Variants in LDB2 observed in about 807,000 individuals in gnomAD.
The protein encoded by LDB2 is LIM domain binding 2.
Under a neutral mutation model 44.3 loss-of-function variants are expected in LDB2, and 12 were observed. The observed-to-expected ratio is 0.27, with a 90% CI of 0.17 to 0.44. LDB2 has a LOEUF of 0.44. LDB2 is among the 20% of genes least tolerant of loss of function. The pLI is 1.00. For synonymous variants in LDB2, 164 were observed against 174.8 expected (o/e 0.94, Z 0.49); for missense variants, 344 against 473.5 (o/e 0.73, Z 2.54).
chr4:16,520,745 T>C (rs1331727961), intron 5 of LDB2, among the ~76,000 whole-genome samples: 1 of 152,158 alleles, frequency 6.6e-6, no homozygotes, highest in East Asian at 1.9e-4. Context: ...AAGGAGGTCA[T>C]TGACTGCTTT....
chr4:16,723,366 GT>G (rs1758732965), intron 2 of LDB2, among the ~76,000 whole-genome samples: 1 of 152,172 alleles, frequency 6.6e-6, no homozygotes, highest in Non-Finnish European at 1.5e-5. Flanking sequence ...AGGAGAGCAA[GT>G]GTGAGAGAGC....
chr4:16,815,950 A>G (rs868848862), intron 1 of LDB2, among the ~76,000 whole-genome samples: 1 of 152,186 alleles, frequency 6.6e-6, no homozygotes, highest in Non-Finnish European at 1.5e-5. Flanking sequence ...GCTCATGCCT[A>G]TAATCCCAGC....
At chr4:16,790,795 G>C (rs998640329) in intron 1 of LDB2, among the ~76,000 whole-genome samples, 1 of 152,106 alleles carries the variant, frequency 6.6e-6, no homozygotes, top group Non-Finnish European at 1.5e-5. Flanking sequence ...TAAGTTTAAT[G>C]CTCTTGCAAA....
At position 16,752,241 on chromosome 4, in the gene LDB2, G is replaced by A. The variant is rs866320359; in HGVS notation, c.235+6917C>T. Among the ~76,000 whole-genome samples, 16 of 152,296 alleles carry A rather than the reference G, an allele frequency of 1.1e-4. 1 individual carries two copies. Among genetic ancestry groups the A allele is most frequent in the Middle Eastern group, 6.8e-3 (2 of 294 alleles). ...CTTTCCTCTGGTCCTCAGTGAACAA[G>A]ATACAGAGCCCACTCTTTACATATA... On this transcript the variant is annotated intron_variant, in intron 2 of 7. Coordinates refer to ENST00000304523, the MANE Select transcript of LDB2 (RefSeq NM_001290.5).
chr4:16,574,790 A>G (rs1747754363), intron 5 of LDB2, among the ~76,000 whole-genome samples: 2 of 152,196 alleles, frequency 1.3e-5, no homozygotes, highest in Non-Finnish European at 2.9e-5. Context: ...ACTGTGGTCC[A>G]TCTAATCTTC....
chr4:16,749,683 A>T (rs957563460), intron 2 of LDB2, among the ~76,000 whole-genome samples: 6 of 151,806 alleles, frequency 4.0e-5, no homozygotes, highest in Admixed American at 2.0e-4. Context: ...CAGTCACTTG[A>T]GATTGTGATG....
intron 5 of LDB2, among the ~76,000 whole-genome samples, chr4:16,539,502 G>C (rs551390722): frequency 1.3e-5 from 2 of 152,100 alleles, no homozygotes; most frequent in African/African-American, 4.8e-5. Flanking sequence ...GATGATAGTG[G>C]TGATAATGAT....
chr4:16,720,902 A>G (rs1483390030), intron 2 of LDB2, among the ~76,000 whole-genome samples: 2 of 152,156 alleles, frequency 1.3e-5, no homozygotes, highest in Non-Finnish European at 2.9e-5. Flanking sequence ...TCTAAGCACA[A>G]GAGCAGTCTA....
intron 1 of LDB2, among the ~76,000 whole-genome samples, chr4:16,827,365 A>C (rs570257096): frequency 5.6e-4 from 85 of 152,348 alleles, no homozygotes; most frequent in African/African-American, 1.9e-3. Context: ...AAGTGCTAAG[A>C]TGCATCTGAA....
chr4:16,866,290 G>A (rs573112181), intron 1 of LDB2, among the ~76,000 whole-genome samples: 1 of 152,314 alleles, frequency 6.6e-6, no homozygotes, highest in East Asian at 1.9e-4. Flanking sequence ...AAAGGACTGG[G>A]AAGAAGTAGA....
intron 1 of LDB2, among the ~76,000 whole-genome samples, chr4:16,844,173 C>T (rs945733805): frequency 1.5e-5 from 2 of 135,300 alleles, no homozygotes; most frequent in African/African-American, 2.8e-5. Flanking sequence ...GAGAGAATCG[C>T]GTAAGCCTAG....
chr4:16,643,993 G>T (rs1205936345), intron 2 of LDB2, among the ~76,000 whole-genome samples: 1 of 152,182 alleles, frequency 6.6e-6, no homozygotes, highest in East Asian at 1.9e-4. Flanking sequence ...TCCAAGTGCT[G>T]CTTCTTGAGT....
intron 1 of LDB2, among the ~76,000 whole-genome samples, chr4:16,890,895 A>C (rs1303077710): frequency 6.6e-6 from 1 of 152,204 alleles, no homozygotes; most frequent in Non-Finnish European, 1.5e-5. Context: ...TTCTGCAGAC[A>C]GACAGGATGT....
intron 2 of LDB2, among the ~76,000 whole-genome samples, chr4:16,672,864 CCTCT>C (rs1233577478): frequency 7.3e-5 from 11 of 151,012 alleles, no homozygotes; most frequent in Non-Finnish European, 1.0e-4. Context: ...TTCCTCCCTC[CCTCT>C]CTTTCTTCCT....
At chr4:16,718,695 C>A (rs939785386) in intron 2 of LDB2, among the ~76,000 whole-genome samples, 3 of 152,034 alleles carry the variant, frequency 2.0e-5, no homozygotes, top group Non-Finnish European at 4.4e-5. Flanking sequence ...CATGACAAAC[C>A]CTCGCATAAG....
chr4:16,857,320 A>G (rs755903910), intron 1 of LDB2, among the ~76,000 whole-genome samples: 4 of 152,068 alleles, frequency 2.6e-5, no homozygotes, highest in Non-Finnish European at 5.9e-5. Context: ...TACCACCTCC[A>G]CTTCTACTAC....
intron 2 of LDB2, among the ~76,000 whole-genome samples, chr4:16,709,404 A>G (rs1446565135): frequency 6.6e-6 from 1 of 152,174 alleles, no homozygotes; most frequent in Non-Finnish European, 1.5e-5. Flanking sequence ...CTCACTTCCC[A>G]AAGACCTGAC....
chr4:16,741,252 T>C (rs1319752430), intron 2 of LDB2, among the ~76,000 whole-genome samples: 1 of 152,216 alleles, frequency 6.6e-6, no homozygotes, highest in Admixed American at 6.5e-5. Flanking sequence ...ACTTCTATCA[T>C]TTCCAACTAG....
intron 1 of LDB2, among the ~76,000 whole-genome samples, chr4:16,807,223 G>C (rs1352118587): frequency 3.9e-5 from 6 of 152,176 alleles, no homozygotes; most frequent in Admixed American, 2.6e-4. Context: ...GGTTAGAACT[G>C]AATGTGATCA....
Sources: allele counts gnomAD v4.1 joint callset (sites outside exome capture counted in the v4.1 genomes callset), GRCh38; gene constraint gnomAD v4.1.1; transcripts MANE v1.5; gene names NCBI Gene and HGNC (gene_info 2026-07-23, HGNC 2026-07-21).